Variants in ZCCHC4 observed in about 807,000 individuals in gnomAD.
ZCCHC4 encodes zinc finger CCHC-type containing 4, also known as rRNA N(6)-adenosine-methyltransferase ZCCHC4.
Under a neutral mutation model 67.7 loss-of-function variants are expected in ZCCHC4, and 54 were observed. That is an observed-to-expected ratio of 0.80 (90% CI 0.64 to 1.00). The LOEUF (loss-of-function observed/expected upper bound fraction) is 1.00. ZCCHC4 is among the 50% of genes least tolerant of loss of function. The probability of loss-of-function intolerance (pLI) is 0.00; values close to 1 mark genes in which losing one functional copy is unlikely to be tolerated. For missense variants in ZCCHC4, 609 were observed against 617.0 expected (o/e 0.99, Z 0.14); for synonymous variants, 198 against 213.5 (o/e 0.93, Z 0.63).
At chr4:25,345,966 C>T (rs942356496) in intron 6 of ZCCHC4, among the ~76,000 whole-genome samples, 11 of 152,114 alleles carry the variant, frequency 7.2e-5, no homozygotes, top group East Asian at 1.9e-4. Context: ...ACTGGTCAGA[C>T]GCCTTTCCAC....
At chr4:25,366,422 T>C (rs769770998) in intron 12 of ZCCHC4, 1 of 333,580 alleles carries the variant, frequency 3.0e-6, no homozygotes, top group Non-Finnish European at 4.3e-6. Flanking sequence ...TTCATGCCAT[T>C]CTCCTGCCTC....
intron 8 of ZCCHC4, among the ~76,000 whole-genome samples, chr4:25,354,000 G>A (rs1370364956): frequency 6.6e-6 from 1 of 152,118 alleles, no homozygotes; most frequent in African/African-American, 2.4e-5. Context: ...TACAGTTTTT[G>A]CCATTCATTT....
chr4:25,344,429 A>G (rs1719899363), intron 5 of ZCCHC4, among the ~76,000 whole-genome samples: 1 of 129,340 alleles, frequency 7.7e-6, no homozygotes, highest in African/African-American at 2.9e-5. Context: ...ACATGGACAC[A>G]GGAAGGGGAA....
At chr4:25,319,944 G>A (rs1242471139) in intron 3 of ZCCHC4, among the ~76,000 whole-genome samples, 1 of 152,034 alleles carries the variant, frequency 6.6e-6, no homozygotes, top group Non-Finnish European at 1.5e-5. Flanking sequence ...TTTTTGTGCA[G>A]TTACAATAGC....
chr4:25,329,834 G>A (rs1439406051), intron 3 of ZCCHC4, among the ~76,000 whole-genome samples: 2 of 151,710 alleles, frequency 1.3e-5, no homozygotes, highest in African/African-American at 2.4e-5. Context: ...GCACCTGGCC[G>A]GATGTTTTTA....
At chr4:25,324,014 G>GTTTTTTGTTTTTTTTTTTTTTTTT (rs1553895907) in intron 3 of ZCCHC4, among the ~76,000 whole-genome samples, 5 of 82,446 alleles carry the variant, frequency 6.1e-5, no homozygotes, top group Admixed American at 1.7e-4. Flanking sequence ...TGTTTTTTGT[G>GTTTTTTGTTTTTTTTTTTTTTTTT]TTTTTTTTTT....
At position 25,333,040 on chromosome 4, in the gene ZCCHC4, A is replaced by G. The variant is rs1468976605; in HGVS notation, c.330-143A>G. The G allele has an allele frequency of 8.9e-6, 7 of 788,968 alleles. No homozygotes were observed. The East Asian group carries it at 1.6e-4, about 18-fold the overall frequency. 48.9% of individuals were successfully genotyped at this position (788,968 alleles called of 1,614,324 possible). ...AGACATAAATTCTAGCCAACATTCCACAGATTTCTTCCTACTTTTCTTCTT... is the reference window on the plus strand; with the variant it reads ...AGACATAAATTCTAGCCAACATTCCGCAGATTTCTTCCTACTTTTCTTCTT... On this transcript the variant is annotated intron_variant, in intron 3 of 12. Coordinates refer to ENST00000302874, the MANE Select transcript of ZCCHC4 (RefSeq NM_024936.3).
At chr4:25,348,529 A>G (rs1720132596) in intron 6 of ZCCHC4, among the ~76,000 whole-genome samples, 1 of 152,192 alleles carries the variant, frequency 6.6e-6, no homozygotes, top group Admixed American at 6.5e-5. Context: ...GAGCATGTAC[A>G]CTTTTTTCTT....
chr4:25,358,867 G>A (rs1174459727), intron 8 of ZCCHC4, among the ~76,000 whole-genome samples: 1 of 152,206 alleles, frequency 6.6e-6, no homozygotes, highest in Non-Finnish European at 1.5e-5. Context: ...GCTCATGCCC[G>A]GGCTCACTTG....
chr4:25,312,997 A>G, intron 1 of ZCCHC4, 61 bp downstream of exon 1: 1 of 1,588,832 alleles, frequency 6.3e-7, no homozygotes, highest in Non-Finnish European at 8.5e-7. Flanking sequence ...TTGGCTTGGA[A>G]GTGGCTTTTG....
At chr4:25,338,256 G>A (rs1362098501) in intron 5 of ZCCHC4, among the ~76,000 whole-genome samples, 1 of 152,150 alleles carries the variant, frequency 6.6e-6, no homozygotes, top group Non-Finnish European at 1.5e-5. Context: ...ACCACACCCA[G>A]TTAATTTTTG....
intron 12 of ZCCHC4, 48 bp from the exon 13 acceptor site, chr4:25,368,981 A>G: frequency 3.2e-6 from 5 of 1,571,084 alleles, no homozygotes; most frequent in Non-Finnish European, 4.3e-6. Context: ...ATAATTACAT[A>G]ATTCACTGTG....
intron 3 of ZCCHC4, among the ~76,000 whole-genome samples, chr4:25,317,240 G>T (rs911220678): frequency 6.6e-6 from 1 of 152,002 alleles, no homozygotes; most frequent in Non-Finnish European, 1.5e-5. Flanking sequence ...GGAGTACTGG[G>T]GTGTATTTAT....
At chr4:25,316,324 T>A (rs558444140) in intron 3 of ZCCHC4, among the ~76,000 whole-genome samples, 55 of 152,344 alleles carry the variant, frequency 3.6e-4, no homozygotes, top group African/African-American at 1.3e-3. Flanking sequence ...CTGTCTTCAA[T>A]TCTTTTGGGT....
intron 8 of ZCCHC4, among the ~76,000 whole-genome samples, chr4:25,355,751 A>G (rs1720490973): frequency 6.6e-6 from 1 of 152,238 alleles, no homozygotes; most frequent in African/African-American, 2.4e-5. Flanking sequence ...TTAATCTGTA[A>G]TAAACATAAA....
chr4:25,339,413 T>C (rs1719620454), intron 5 of ZCCHC4, among the ~76,000 whole-genome samples: 1 of 152,236 alleles, frequency 6.6e-6, no homozygotes, highest in Non-Finnish European at 1.5e-5. Flanking sequence ...CAGGAATATA[T>C]GAGGTTTCTA....
intron 12 of ZCCHC4, chr4:25,365,531 CATG>C (rs1431148725): frequency 4.0e-6 from 4 of 995,904 alleles, no homozygotes; most frequent in African/African-American, 1.7e-5. Context: ...GATATAGACA[CATG>C]ATGGCAGGAA....
At chr4:25,364,346 G>A in intron 10 of ZCCHC4, 108 bp from the exon 11 acceptor site, 1 of 820,994 alleles carries the variant, frequency 1.2e-6, no homozygotes, top group Non-Finnish European at 1.7e-6. Flanking sequence ...GAAATAAGGA[G>A]TGAATAATTT....
Position 25,345,636 on chromosome 4 carries a change from A to G in ZCCHC4, c.759+16A>G. 1 of 1,495,090 alleles carries G rather than the reference A, an allele frequency of 6.7e-7. No homozygotes were observed. The allele number at this position is 1,495,090 out of a possible 1,614,324, so 92.6% of individuals were successfully genotyped here. A position where few individuals can be genotyped will look rare whatever the true frequency, so the allele number is the denominator to read the frequency against. On this transcript the variant is annotated intron_variant, in intron 6 of 12. Coordinates refer to ENST00000302874, the MANE Select transcript of ZCCHC4 (RefSeq NM_024936.3). Reference sequence around the variant, plus strand: ...TGATGGAAAGGTAAGAGCTGTGACCATTATCTCATTGTTCTCTTATTGTGG... The same window carrying G: ...TGATGGAAAGGTAAGAGCTGTGACCGTTATCTCATTGTTCTCTTATTGTGG...
Sources: allele counts gnomAD v4.1 joint callset (sites outside exome capture counted in the v4.1 genomes callset), GRCh38; gene constraint gnomAD v4.1.1; transcripts MANE v1.5; gene names NCBI Gene and HGNC (gene_info 2026-07-23, HGNC 2026-07-21).